Variants in COL23A1 observed in about 807,000 individuals in gnomAD.
COL23A1 encodes the protein collagen type XXIII alpha 1 chain.
COL23A1 carries 97 observed loss-of-function variants against 99.3 expected under a neutral mutation model. The observed-to-expected ratio is 0.98, with a 90% CI of 0.83 to 1.16. The LOEUF (loss-of-function observed/expected upper bound fraction) is 1.16, where lower values mean the gene tolerates loss of function less well. Ranked by LOEUF, COL23A1 falls within the 50% of genes most tolerant of loss-of-function variation. The pLI is 0.00. For missense variants in COL23A1, 762 were observed against 757.4 expected (o/e 1.01, Z -0.07); for synonymous variants, 320 against 308.2 (o/e 1.04, Z -0.40).
chr5:178,539,994 A>G (rs1581595808), intron 2 of COL23A1, among the ~76,000 whole-genome samples: 1 of 152,346 alleles, frequency 6.6e-6, no homozygotes, highest in East Asian at 1.9e-4. Context: ...GTTTTGACAG[A>G]AAAAAGGGGG....
At chr5:178,482,744 T>C (rs1015132316) in intron 2 of COL23A1, among the ~76,000 whole-genome samples, 1 of 151,012 alleles carries the variant, frequency 6.6e-6, no homozygotes, top group Non-Finnish European at 1.5e-5. Flanking sequence ...CTACTAAAAC[T>C]ACAAAAAATC....
intron 2 of COL23A1, among the ~76,000 whole-genome samples, chr5:178,385,799 A>G (rs763449898): frequency 6.6e-6 from 1 of 152,256 alleles, no homozygotes; most frequent in Non-Finnish European, 1.5e-5. Context: ...CTTCAAAGGC[A>G]TCTGATAATA....
At chr5:178,577,507 G>C (rs554717076) in intron 1 of COL23A1, among the ~76,000 whole-genome samples, 2 of 152,350 alleles carry the variant, frequency 1.3e-5, no homozygotes, top group Admixed American at 6.5e-5. Flanking sequence ...ACTCACCGAG[G>C]ACAGGACCCG....
At chr5:178,427,612 T>G (rs1766015305) in intron 2 of COL23A1, among the ~76,000 whole-genome samples, 1 of 152,232 alleles carries the variant, frequency 6.6e-6, no homozygotes, top group African/African-American at 2.4e-5. Flanking sequence ...CTGAATAATA[T>G]TCTATTATTC....
chr5:178,404,279 C>T (rs1764633085), intron 2 of COL23A1, among the ~76,000 whole-genome samples: 1 of 152,204 alleles, frequency 6.6e-6, no homozygotes, highest in African/African-American at 2.4e-5. Flanking sequence ...CTGCCACCAT[C>T]ATTCATTCAT....
chr5:178,524,706 C>T (rs889923546), intron 2 of COL23A1, among the ~76,000 whole-genome samples: 20 of 152,198 alleles, frequency 1.3e-4, no homozygotes, highest in Non-Finnish European at 1.9e-4. Flanking sequence ...CTGGCTCTTG[C>T]CCTGCTGCCT....
intron 1 of COL23A1, among the ~76,000 whole-genome samples, chr5:178,568,905 T>C (rs1456369424): frequency 6.6e-6 from 1 of 152,234 alleles, no homozygotes; most frequent in Non-Finnish European, 1.5e-5. Context: ...TACTTTTATT[T>C]GAGTATCTGT....
At chr5:178,378,999 C>T (rs987041696) in intron 2 of COL23A1, among the ~76,000 whole-genome samples, 5 of 152,124 alleles carry the variant, frequency 3.3e-5, no homozygotes, top group African/African-American at 1.2e-4. Flanking sequence ...GAGGCTGTTT[C>T]TAGACTTTAT....
Position 178,238,437 on chromosome 5 carries a change from A to G in COL23A1, c.*261T>C, listed in dbSNP as rs1299895052. 1 of 540,808 alleles carries G rather than the reference A, an allele frequency of 1.8e-6. No homozygotes were observed. The highest frequency in any genetic ancestry group is 1.9e-5 in the African/African-American group (1 of 52,500). The allele number at this position is 540,808 out of a possible 1,614,324, so 33.5% of individuals were successfully genotyped here. ...GCATCTTTCTAGCCTTGCCCGAGCC[A>G]GGTGCTTCTACCTTCATCTCCTTCC... On this transcript the variant is annotated 3_prime_UTR_variant, in exon 29 of 29. Transcript: ENST00000390654.
chr5:178,577,898 A>T (rs1288267427), intron 1 of COL23A1, among the ~76,000 whole-genome samples: 2 of 152,230 alleles, frequency 1.3e-5, no homozygotes, highest in African/African-American at 4.8e-5. Flanking sequence ...GTCAGGGCCC[A>T]GCTACAGGGT....
At chr5:178,314,670 A>T (rs1208690502) in intron 2 of COL23A1, among the ~76,000 whole-genome samples, 1 of 152,214 alleles carries the variant, frequency 6.6e-6, no homozygotes, top group East Asian at 1.9e-4. Flanking sequence ...GGCACCATTT[A>T]TCGAGTGTCA....
At chr5:178,578,240 C>T (rs912546259) in intron 1 of COL23A1, among the ~76,000 whole-genome samples, 1 of 152,142 alleles carries the variant, frequency 6.6e-6, no homozygotes, top group African/African-American at 2.4e-5. Context: ...ATGCATACTC[C>T]TGGCACACAC....
chr5:178,274,067 C>T (rs551641952), intron 5 of COL23A1, among the ~76,000 whole-genome samples: 4 of 152,336 alleles, frequency 2.6e-5, no homozygotes, highest in East Asian at 1.9e-4. Flanking sequence ...AGGGATTCCA[C>T]GGTTGAGTAA....
chr5:178,539,924 C>T (rs1179415005), intron 2 of COL23A1, among the ~76,000 whole-genome samples: 1 of 152,162 alleles, frequency 6.6e-6, no homozygotes, highest in Non-Finnish European at 1.5e-5. Flanking sequence ...ATCCAACTGG[C>T]GTTTATTCCA....
chr5:178,250,237 G>A, intron 17 of COL23A1, 132 bp from the exon 18 acceptor site: 1 of 897,136 alleles, frequency 1.1e-6, no homozygotes, highest in Non-Finnish European at 1.8e-6. Flanking sequence ...GCTGTGCCAG[G>A]ACCCACCGCC....
intron 1 of COL23A1, among the ~76,000 whole-genome samples, chr5:178,570,183 G>A (rs953594171): frequency 6.6e-6 from 1 of 151,250 alleles, no homozygotes; most frequent in African/African-American, 2.4e-5. Flanking sequence ...TACCATCATG[G>A]CTCACTACAG....
At chr5:178,276,284 C>A (rs1756580439) in intron 5 of COL23A1, among the ~76,000 whole-genome samples, 1 of 26,894 alleles carries the variant, frequency 3.7e-5, no homozygotes, top group African/African-American at 8.9e-5. Context: ...AATAAACTGG[C>A]CGCGTTTAGA....
intron 2 of COL23A1, among the ~76,000 whole-genome samples, chr5:178,349,445 A>G (rs1472596136): frequency 6.6e-6 from 1 of 151,776 alleles, no homozygotes; most frequent in African/African-American, 2.4e-5. Context: ...GTCACAATAG[A>G]TTTGGCAGCA....
intron 2 of COL23A1, among the ~76,000 whole-genome samples, chr5:178,331,012 C>T (rs56389033): frequency 0.02 from 3,083 of 152,334 alleles, 39 homozygotes; most frequent in South Asian, 0.051. Context: ...GCAGACTTCT[C>T]AGCCGGATAA....
Sources: gnomAD v4.1 joint callset for allele counts (sites outside exome capture counted in the v4.1 genomes callset) on GRCh38, gnomAD v4.1.1 for gene constraint, MANE v1.5 for transcripts, NCBI Gene and HGNC (gene_info 2026-07-23, HGNC 2026-07-21) for gene names.